FBN1: variants seen among roughly 807,000 people sequenced by gnomAD.
The protein encoded by FBN1 is fibrillin 1, also known as fibrillin-1.
Under a neutral mutation model 365.1 loss-of-function variants are expected in FBN1, and 29 were observed. That is an observed-to-expected ratio of 0.08 (90% CI 0.06 to 0.11). The LOEUF (loss-of-function observed/expected upper bound fraction) is 0.11. Ranked by LOEUF, FBN1 falls within the 10% of genes least tolerant of loss-of-function variation. The pLI, the probability that FBN1 is intolerant of heterozygous loss-of-function variation, is 1.00. For missense variants in FBN1, 2,476 were observed against 3,703.2 expected (o/e 0.67, Z 8.60); for synonymous variants, 1,210 against 1,270.5 (o/e 0.95, Z 1.01).
At chr15:48,536,919 G>A (rs1465373155) in intron 7 of FBN1, among the ~76,000 whole-genome samples, 4 of 152,148 alleles carry the variant, frequency 2.6e-5, no homozygotes, top group Admixed American at 6.5e-5. Flanking sequence ...ACAGATACAG[G>A]CTGAGAGTTT....
In FBN1 at chr15:48,534,948, G is replaced by A. The variant is rs58137519; in HGVS notation, c.737-743C>T. Among the ~76,000 whole-genome samples the A allele has an allele frequency of 0.023, 3,549 of 152,196 alleles. 216 individuals are homozygous for A. In the East Asian group the frequency reaches 0.24, roughly 10 times the overall value. ...AGCTCAACGTGCAAGTGTGTACTAT[G>A]TCCTGGGGAGTTCGACATGACTTCT... On this transcript the variant is annotated intron_variant, in intron 7 of 65. Transcript: ENST00000316623.
chr15:48,582,525 GGTT>G (rs1161702141), intron 6 of FBN1, among the ~76,000 whole-genome samples: 1 of 152,192 alleles, frequency 6.6e-6, no homozygotes, highest in Non-Finnish European at 1.5e-5. Context: ...GTTGCTAGGT[GGTT>G]GTTGTTATTG....
At chr15:48,538,609 G>A (rs1170381703) in intron 6 of FBN1, among the ~76,000 whole-genome samples, 1 of 151,370 alleles carries the variant, frequency 6.6e-6, no homozygotes, top group African/African-American at 2.4e-5. Context: ...TACAGAGAGA[G>A]AGCCAACAAC....
intron 65 of FBN1, 57 bp from the exon 66 acceptor site, chr15:48,411,436 A>C: frequency 2.6e-6 from 4 of 1,523,874 alleles, no homozygotes; most frequent in Non-Finnish European, 2.7e-6. Flanking sequence ...CTTAGCTCTC[A>C]TATTAAAGAA....
At chr15:48,507,444 TTCC>T (rs2043719708) in intron 15 of FBN1, among the ~76,000 whole-genome samples, 1 of 152,158 alleles carries the variant, frequency 6.6e-6, no homozygotes, top group African/African-American at 2.4e-5. Flanking sequence ...AGAAACCACC[TTCC>T]TCCTTCAAAT....
chr15:48,540,413 G>T (rs1047455095), intron 6 of FBN1, among the ~76,000 whole-genome samples: 8 of 152,002 alleles, frequency 5.3e-5, no homozygotes, highest in Admixed American at 3.3e-4. Flanking sequence ...AATCCTGCTG[G>T]ATTTTCTTCA....
chr15:48,607,035 T>C (rs2140728554), intron 4 of FBN1, among the ~76,000 whole-genome samples: 1 of 152,348 alleles, frequency 6.6e-6, no homozygotes, highest in Non-Finnish European at 1.5e-5. Flanking sequence ...TGCTCTGGAC[T>C]TCCCAGCCTC....
chr15:48,463,030 C>A, intron 42 of FBN1, 52 bp downstream of exon 42: 1 of 1,554,102 alleles, frequency 6.4e-7, no homozygotes, highest in South Asian at 1.1e-5. Flanking sequence ...CCCAACAATT[C>A]ATGGGTAATT....
At chr15:48,531,981 A>T (rs182151672) in intron 8 of FBN1, among the ~76,000 whole-genome samples, 1 of 152,228 alleles carries the variant, frequency 6.6e-6, no homozygotes. Context: ...TGACTTTCAC[A>T]TGTAGCTGGA....
intron 17 of FBN1, among the ~76,000 whole-genome samples, chr15:48,501,934 T>G (rs2043662259): frequency 6.6e-6 from 1 of 152,234 alleles, no homozygotes; most frequent in African/African-American, 2.4e-5. Context: ...TTGAACTGAT[T>G]GGTGATCATA....
intron 60 of FBN1, among the ~76,000 whole-genome samples, chr15:48,425,125 A>T (rs964007407): frequency 2.6e-5 from 4 of 152,228 alleles, no homozygotes; most frequent in African/African-American, 9.6e-5. Flanking sequence ...TGAGACAGTC[A>T]TGGATGGCCA....
chr15:48,568,231 A>C (rs562941407), intron 6 of FBN1, among the ~76,000 whole-genome samples: 27 of 151,886 alleles, frequency 1.8e-4, no homozygotes, highest in Admixed American at 1.3e-4. Flanking sequence ...ACAATGAACA[A>C]TCAGAAAATT....
chr15:48,478,996 CT>C (rs1389305672), intron 32 of FBN1, among the ~76,000 whole-genome samples: 2 of 152,234 alleles, frequency 1.3e-5, no homozygotes, highest in East Asian at 3.9e-4. Context: ...TTTCATAATT[CT>C]TTTCATTAAA....
Position 48,492,546 on chromosome 15 carries a change from ATTT to A in FBN1, c.2766_2768del (p.Lys922del). The stretch of plus-strand genomic sequence containing the variant: ...ACCCCCTAGTGTTAACACACAGGCC[ATTT>A]TTACACACTCCTGGGAACACTTCAC... On this transcript the variant is annotated inframe_deletion, in exon 24 of 66. Transcript: ENST00000316623. The A allele has an allele frequency of 6.2e-7, 1 of 1,611,438 alleles. No homozygotes were observed. Among genetic ancestry groups the A allele is most frequent in the Non-Finnish European group, 8.5e-7 (1 of 1,177,702 alleles).
intron 63 of FBN1, among the ~76,000 whole-genome samples, chr15:48,417,894 G>A (rs147234159): frequency 2.6e-5 from 4 of 152,340 alleles, no homozygotes; most frequent in Admixed American, 6.5e-5. Context: ...GCCCCAGGTG[G>A]CTGATCTATG....
At chr15:48,588,760 C>G (rs2044454508) in intron 6 of FBN1, among the ~76,000 whole-genome samples, 2 of 152,106 alleles carry the variant, frequency 1.3e-5, no homozygotes, top group South Asian at 4.1e-4. Flanking sequence ...TGATGGGAAG[C>G]GGGTTACTCT....
At chr15:48,430,306 G>A (rs916135839) in intron 56 of FBN1, among the ~76,000 whole-genome samples, 3 of 152,190 alleles carry the variant, frequency 2.0e-5, no homozygotes, top group African/African-American at 7.2e-5. Context: ...GAGGTACCTG[G>A]CATTTGTAGC....
rs1377064449 is a variant in FBN1, at chr15:48,464,015, T to C, written c.4949A>G (p.Asn1650Ser). The change falls in exon 41 of 66, where the codon AAT becomes AGT. Residue 1650 changes from asparagine (N) to serine (S), a missense_variant. Physicochemically the swap from Asn to Ser is conservative, Grantham distance 46 (BLOSUM62 1). Around this residue, in one of 5 missense-constraint regions of FBN1, gnomAD observed 1,780 missense variants for 2,840.8 expected, o/e 0.63. Transcript: ENST00000316623. ...NEDTRVCDDVNECETPGICGP... is the reference protein window; with the variant it reads ...NEDTRVCDDVSECETPGICGP... ...ACAGATTCCAGGAGTCTCACATTCA[T>C]TCACATCTATAATCCAAAGAGAAAG... The C allele has an allele frequency of 1.2e-6, 2 of 1,614,006 alleles. No individual in the cohort carries two copies. The highest frequency in any genetic ancestry group is 1.7e-6 in the Non-Finnish European group (2 of 1,179,892).
intron 6 of FBN1, among the ~76,000 whole-genome samples, chr15:48,573,675 C>T (rs1325960553): frequency 6.6e-6 from 1 of 152,206 alleles, no homozygotes; most frequent in Non-Finnish European, 1.5e-5. Context: ...GGATTCTCAT[C>T]AGTCCCTTGA....
Sources: allele counts gnomAD v4.1 joint callset (sites outside exome capture counted in the v4.1 genomes callset), GRCh38; gene constraint gnomAD v4.1.1; regional missense constraint gnomAD v4.1.1; transcripts MANE v1.5; gene names NCBI Gene and HGNC (gene_info 2026-07-23, HGNC 2026-07-21).